The following NRXN1 variants were observed in gnomAD, a reference collection of about 807,000 sequenced individuals.
The protein encoded by NRXN1 is neurexin-1.
A neutral mutation model predicts 150.9 loss-of-function variants in NRXN1; 39 were observed. The ratio of observed to expected loss-of-function variants is 0.26; its 90% CI spans 0.20 to 0.34. The LOEUF is 0.34. Ranked by LOEUF, NRXN1 falls within the 10% of genes least tolerant of loss-of-function variation. The probability of loss-of-function intolerance (pLI) is 1.00; values close to 1 mark genes in which losing one functional copy is unlikely to be tolerated. For synonymous variants in NRXN1, 924 were observed against 757.0 expected (o/e 1.22, Z -3.62); for missense variants, 1,815 against 1,949.9 (o/e 0.93, Z 1.30).
chr2:50,973,088 C>T (rs1360855303), intron 2 of NRXN1, among the ~76,000 whole-genome samples: 4 of 152,152 alleles, frequency 2.6e-5, no homozygotes, highest in South Asian at 2.1e-4. Context: ...AAAAAAATAA[C>T]TATGATCTCC....
At chr2:50,895,875 T>C (rs1223800814) in intron 5 of NRXN1, among the ~76,000 whole-genome samples, 1 of 152,138 alleles carries the variant, frequency 6.6e-6, no homozygotes, top group Non-Finnish European at 1.5e-5. Flanking sequence ...ACACCGTGCC[T>C]GGCCTATGCA....
chr2:50,700,441 A>T (rs1003617150), intron 5 of NRXN1, among the ~76,000 whole-genome samples: 2 of 152,204 alleles, frequency 1.3e-5, no homozygotes, highest in African/African-American at 4.8e-5. Context: ...CACAGGAGAA[A>T]AAAAATGTAG....
intron 8 of NRXN1, among the ~76,000 whole-genome samples, chr2:50,585,835 C>T (rs1411472495): frequency 1.3e-5 from 2 of 152,134 alleles, no homozygotes; most frequent in East Asian, 1.9e-4. Flanking sequence ...TTGCCATGAA[C>T]CCTGTTCTTT....
At chr2:49,965,888 C>T (rs776367764) in intron 21 of NRXN1, among the ~76,000 whole-genome samples, 1 of 152,148 alleles carries the variant, frequency 6.6e-6, no homozygotes, top group African/African-American at 2.4e-5. Context: ...GAGTATGCAG[C>T]ATTGTATAAA....
intron 2 of NRXN1, among the ~76,000 whole-genome samples, chr2:50,963,523 T>C (rs1284338428): frequency 1.3e-5 from 2 of 151,852 alleles, no homozygotes; most frequent in Non-Finnish European, 3.0e-5. Flanking sequence ...TTTTCCCCAA[T>C]TGACAAATTT....
intron 21 of NRXN1, among the ~76,000 whole-genome samples, chr2:49,956,559 C>T (rs1674985641): frequency 6.6e-6 from 1 of 152,050 alleles, no homozygotes; most frequent in South Asian, 2.1e-4. Flanking sequence ...AGAGGAGCTA[C>T]CTCAGGAAAA....
chr2:50,011,384 A>C (rs990123039), intron 21 of NRXN1, among the ~76,000 whole-genome samples: 3 of 152,202 alleles, frequency 2.0e-5, no homozygotes, highest in African/African-American at 4.8e-5. Flanking sequence ...GATACACAGA[A>C]ATAAACATGT....
At chr2:50,914,242 T>G (rs1216801646) in intron 5 of NRXN1, among the ~76,000 whole-genome samples, 1 of 151,632 alleles carries the variant, frequency 6.6e-6, no homozygotes, top group Non-Finnish European at 1.5e-5. Flanking sequence ...AATCAAAGGC[T>G]TTTGGGTGTT....
chr2:50,899,954 C>T (rs1682661992), intron 5 of NRXN1, among the ~76,000 whole-genome samples: 1 of 152,066 alleles, frequency 6.6e-6, no homozygotes, highest in African/African-American at 2.4e-5. Flanking sequence ...TGATATTAGG[C>T]ACACAGAGGT....
At chr2:50,123,018 C>A (rs1483356132) in intron 18 of NRXN1, among the ~76,000 whole-genome samples, 1 of 152,106 alleles carries the variant, frequency 6.6e-6, no homozygotes, top group Admixed American at 6.5e-5. Flanking sequence ...ATCTATAATA[C>A]TCAATTTATT....
intron 17 of NRXN1, among the ~76,000 whole-genome samples, chr2:50,455,650 G>A (rs1158175758): frequency 1.3e-5 from 2 of 152,252 alleles, no homozygotes; most frequent in East Asian, 3.9e-4. Context: ...TTAGCAAAAT[G>A]GAGCACTTTC....
chr2:50,238,092 T>C (rs1478668760), intron 17 of NRXN1, among the ~76,000 whole-genome samples: 1 of 152,062 alleles, frequency 6.6e-6, no homozygotes, highest in Non-Finnish European at 1.5e-5. Context: ...CTTTTCTTTA[T>C]CAATTACCCA....
chr2:50,380,371 C>G (rs913235712), intron 17 of NRXN1, among the ~76,000 whole-genome samples: 1 of 151,926 alleles, frequency 6.6e-6, no homozygotes, highest in African/African-American at 2.4e-5. Context: ...CATATCATGA[C>G]TATCTTAACT....
chr2:50,359,832 A>C (rs1198048214), intron 17 of NRXN1, among the ~76,000 whole-genome samples: 1 of 152,174 alleles, frequency 6.6e-6, no homozygotes, highest in Non-Finnish European at 1.5e-5. Flanking sequence ...GAAATGAAGG[A>C]AAAAATGTCA....
intron 5 of NRXN1, among the ~76,000 whole-genome samples, chr2:50,819,669 T>C (rs74504340): frequency 0.078 from 11,935 of 152,058 alleles, 576 homozygotes; most frequent in Middle Eastern, 0.13. Context: ...GTTAAGAGGA[T>C]AAATTACATG....
At chr2:50,629,401 A>G (rs1336420531) in intron 5 of NRXN1, among the ~76,000 whole-genome samples, 1 of 151,638 alleles carries the variant, frequency 6.6e-6, no homozygotes, top group East Asian at 1.9e-4. Flanking sequence ...ATTTATATAA[A>G]AAATTTAAAA....
intron 8 of NRXN1, among the ~76,000 whole-genome samples, chr2:50,574,923 C>G (rs1043751702): frequency 1.3e-5 from 2 of 152,202 alleles, no homozygotes; most frequent in African/African-American, 4.8e-5. Flanking sequence ...ACATGAACTG[C>G]TGCGTGCACA....
rs1422082354 is a variant in NRXN1, at chr2:50,340,734, CAG to C, written c.3365-103766_3365-103765del. Among the ~76,000 whole-genome samples, 11 of 152,070 alleles carry C rather than the reference CAG, an allele frequency of 7.2e-5. No homozygotes were observed. In the East Asian group the frequency reaches 1.5e-3, roughly 21 times the overall value. On this transcript the variant is annotated intron_variant, in intron 17 of 22. Transcript: ENST00000401669. ...AATTTAAAAAAAAGAGAGAGAGAAA[CAG>C]AGAAAAACGAAACAAGAATATGAAT...
intron 5 of NRXN1, among the ~76,000 whole-genome samples, chr2:50,670,300 A>G (rs1003787429): frequency 5.9e-5 from 9 of 151,900 alleles, no homozygotes; most frequent in African/African-American, 2.2e-4. Context: ...TATCATTAAA[A>G]AAAAACTAGT....
Sources: gnomAD v4.1 joint callset for allele counts (sites outside exome capture counted in the v4.1 genomes callset) on GRCh38, gnomAD v4.1.1 for gene constraint, MANE v1.5 for transcripts, NCBI Gene and HGNC (gene_info 2026-07-23, HGNC 2026-07-21) for gene names.